The following COL24A1 variants were observed in gnomAD, a reference collection of about 807,000 sequenced individuals.
COL24A1 encodes collagen alpha-1(XXIV) chain.
Under a neutral mutation model 253.9 loss-of-function variants are expected in COL24A1, and 224 were observed. The observed-to-expected ratio is 0.88, with a 90% CI of 0.79 to 0.99. The LOEUF is 0.99. Among genes scored for constraint, COL24A1 ranks in the 50% least tolerant of loss-of-function variants. The pLI, the probability that COL24A1 is intolerant of heterozygous loss-of-function variation, is 0.00. For missense variants in COL24A1, 2,131 were observed against 2,068.5 expected, an observed-to-expected ratio of 1.03 and a Z score of -0.59; for synonymous variants, 685 against 673.7, an observed-to-expected ratio of 1.02 and a Z score of -0.26.
chr1:86,017,065 C>T, intron 19 of COL24A1, 86 bp downstream of exon 19: 1 of 1,219,460 alleles, frequency 8.2e-7, no homozygotes. Context: ...CTTTCTTAAG[C>T]TTGCTATGTT....
chr1:86,067,919 T>G (rs1701609230), intron 7 of COL24A1, among the ~76,000 whole-genome samples: 1 of 152,338 alleles, frequency 6.6e-6, no homozygotes, highest in Non-Finnish European at 1.5e-5. Context: ...TAGCATATGA[T>G]TTTTCTCTGA....
intron 2 of COL24A1, among the ~76,000 whole-genome samples, chr1:86,144,555 A>G (rs1341675051): frequency 6.6e-6 from 1 of 152,130 alleles, no homozygotes; most frequent in Admixed American, 6.5e-5. Flanking sequence ...GTTCATTATG[A>G]TGATTAGAAT....
At chr1:85,754,391 G>A (rs1570459129) in intron 55 of COL24A1, among the ~76,000 whole-genome samples, 1 of 82,890 alleles carries the variant, frequency 1.2e-5, no homozygotes, top group East Asian at 3.6e-4. Flanking sequence ...CTGTGGTGGG[G>A]TCGGGGGAGG....
At chr1:85,781,891 C>A (rs1339858282) in intron 51 of COL24A1, among the ~76,000 whole-genome samples, 1 of 152,066 alleles carries the variant, frequency 6.6e-6, no homozygotes, top group East Asian at 1.9e-4. Flanking sequence ...TCAATTCCTC[C>A]CAAAGTAGGA....
intron 47 of COL24A1, among the ~76,000 whole-genome samples, chr1:85,807,106 C>T (rs1347978906): frequency 6.6e-6 from 1 of 152,230 alleles, no homozygotes; most frequent in Non-Finnish European, 1.5e-5. Context: ...CTTGTGGAGG[C>T]AGCCCCTACT....
At chr1:85,925,615 G>C (rs1053139702) in intron 24 of COL24A1, among the ~76,000 whole-genome samples, 1 of 152,152 alleles carries the variant, frequency 6.6e-6, no homozygotes, top group African/African-American at 2.4e-5. Context: ...AAACTGGCTA[G>C]CCATATGTAG....
chr1:85,892,645 G>A (rs981005629), intron 31 of COL24A1, among the ~76,000 whole-genome samples: 6 of 151,868 alleles, frequency 4.0e-5, no homozygotes, highest in African/African-American at 1.2e-4. Context: ...TTATATTAAA[G>A]CAAAAATCAT....
intron 55 of COL24A1, among the ~76,000 whole-genome samples, chr1:85,759,500 A>G (rs1666623788): frequency 6.6e-6 from 1 of 152,156 alleles, no homozygotes; most frequent in African/African-American, 2.4e-5. Context: ...CTTATCCTCA[A>G]TGTTATTTTC....
Position 85,896,069 on chromosome 1 carries a change from A to T in COL24A1, c.2833-4T>A. Reference sequence around the variant, plus strand: ...TTCCTTGATCTCCTTTTTCACCCTAACAAAGTATCAAAGCCAGGTGAGTTA... The same window carrying T: ...TTCCTTGATCTCCTTTTTCACCCTATCAAAGTATCAAAGCCAGGTGAGTTA... On this transcript the variant is annotated splice_region_variant and splice_polypyrimidine_tract_variant and intron_variant, in intron 29 of 59. Coordinates refer to ENST00000370571, the MANE Select transcript of COL24A1 (RefSeq NM_152890.7). 1 of 1,612,846 alleles carries T rather than the reference A, an allele frequency of 6.2e-7. No homozygotes were observed. Among genetic ancestry groups the T allele is most frequent in the Non-Finnish European group, 8.5e-7 (1 of 1,179,502 alleles).
At chr1:85,927,578 C>A (rs1487906586) in intron 24 of COL24A1, among the ~76,000 whole-genome samples, 9 of 118,808 alleles carry the variant, frequency 7.6e-5, no homozygotes, top group African/African-American at 2.6e-4. Flanking sequence ...GTGGAGCCCA[C>A]CACAGCTCAA....
At chr1:85,963,692 G>A (rs1488136482) in intron 23 of COL24A1, among the ~76,000 whole-genome samples, 1 of 152,104 alleles carries the variant, frequency 6.6e-6, no homozygotes, top group Non-Finnish European at 1.5e-5. Flanking sequence ...GTGACAGCTA[G>A]GGAGGAATGA....
rs569642455 is a variant in COL24A1 at position 85,914,206 on chromosome 1, C to T, written c.2563-2773G>A. Reference sequence around the variant, plus strand: ...GGCAAACGGAATAAAGAATGGGTAGCGGAGAAGGTAGTTTTAAATACCTGC... The same window carrying T: ...GGCAAACGGAATAAAGAATGGGTAGTGGAGAAGGTAGTTTTAAATACCTGC... On this transcript the variant is annotated intron_variant, in intron 24 of 59. Transcript: ENST00000370571. Among the ~76,000 whole-genome samples, 11 of 151,934 alleles carry T rather than the reference C, an allele frequency of 7.2e-5. No homozygotes were observed. In the East Asian group the frequency reaches 1.7e-3, roughly 24 times the overall value.
At chr1:85,933,568 C>G (rs1687995240) in intron 24 of COL24A1, among the ~76,000 whole-genome samples, 1 of 152,176 alleles carries the variant, frequency 6.6e-6, no homozygotes, top group African/African-American at 2.4e-5. Context: ...GCCATATAAC[C>G]TCTTCCTTCT....
At position 86,047,661 on chromosome 1, in the gene COL24A1, TAAA is replaced by T. The variant is rs1200714472; in HGVS notation, c.1906-795_1906-793del. Among the ~76,000 whole-genome samples, 7 of 152,096 alleles carry T rather than the reference TAAA, an allele frequency of 4.6e-5. 1 individual carries two copies. The highest frequency in any genetic ancestry group is 2.0e-4 in the Admixed American group (3 of 15,262). On this transcript the variant is annotated intron_variant, in intron 11 of 59. Coordinates refer to ENST00000370571, the MANE Select transcript of COL24A1 (RefSeq NM_152890.7). ...CTTCATGTATATATACATATATAAATAAAGAAGTTAATTCATGTATGTAAAACC... is the reference window on the plus strand; with the variant it reads ...CTTCATGTATATATACATATATAAATGAAGTTAATTCATGTATGTAAAACC...
At chr1:86,050,208 T>C (rs542354716) in intron 10 of COL24A1, 31 bp from the exon 11 acceptor site, 6 of 1,574,434 alleles carry the variant, frequency 3.8e-6, no homozygotes, top group East Asian at 2.2e-5. Context: ...TGTATATTAG[T>C]TCATTTGAAT....
At chr1:85,993,351 A>G (rs759058338) in intron 19 of COL24A1, among the ~76,000 whole-genome samples, 3 of 152,106 alleles carry the variant, frequency 2.0e-5, no homozygotes, top group Non-Finnish European at 2.9e-5. Flanking sequence ...ACATATACAC[A>G]AACTAATTAC....
intron 5 of COL24A1, among the ~76,000 whole-genome samples, chr1:86,093,323 G>A (rs1476506426): frequency 2.0e-5 from 3 of 152,102 alleles, no homozygotes; most frequent in East Asian, 3.9e-4. Flanking sequence ...AGGAAGGGGG[G>A]TCCAGTTTTA....
chr1:85,987,766 C>T, intron 19 of COL24A1, 112 bp from the exon 20 acceptor site: 1 of 832,998 alleles, frequency 1.2e-6, no homozygotes, highest in Admixed American at 3.1e-5. Flanking sequence ...AATTTATAAT[C>T]CTCAAAAATT....
chr1:85,901,824 CAAAAAAAAAA>C (rs55862441), intron 28 of COL24A1, among the ~76,000 whole-genome samples: 2 of 57,792 alleles, frequency 3.5e-5, no homozygotes, highest in Admixed American at 2.8e-4. Flanking sequence ...GACTCCGTCT[CAAAAAAAAAA>C]AAAAAAAAAA....
Sources: gnomAD v4.1 joint callset for allele counts (sites outside exome capture counted in the v4.1 genomes callset) on GRCh38, gnomAD v4.1.1 for gene constraint, MANE v1.5 for transcripts, NCBI Gene and HGNC (gene_info 2026-07-23, HGNC 2026-07-21) for gene names.